The following SGCZ variants were observed in gnomAD, a reference collection of about 807,000 sequenced individuals.
The protein encoded by SGCZ is zeta-sarcoglycan.
SGCZ carries 40 observed loss-of-function variants against 41.3 expected under a neutral mutation model. That is an observed-to-expected ratio of 0.97 (90% confidence interval 0.75 to 1.26). SGCZ has a LOEUF of 1.26. SGCZ is among the 50% of genes most tolerant of loss of function. The probability of loss-of-function intolerance (pLI) is 0.00; values close to 1 mark genes in which losing one functional copy is unlikely to be tolerated. For synonymous variants in SGCZ, 206 were observed against 137.5 expected, an observed-to-expected ratio of 1.50 and a Z score of -3.49; for missense variants, 552 against 369.8, an observed-to-expected ratio of 1.49 and a Z score of -4.04.
chr8:14,795,549 C>A (rs190248175), intron 1 of SGCZ, among the ~76,000 whole-genome samples: 3 of 152,066 alleles, frequency 2.0e-5, no homozygotes, highest in Non-Finnish European at 4.4e-5. Context: ...CACAAGGAAG[C>A]GTTCCACCTC....
At chr8:15,003,028 C>T (rs943694190) in intron 1 of SGCZ, among the ~76,000 whole-genome samples, 1 of 152,122 alleles carries the variant, frequency 6.6e-6, no homozygotes, top group African/African-American at 2.4e-5. Context: ...CGTAACTTTG[C>T]TCCTCCTTCA....
At chr8:14,201,942 T>C (rs1341927239) in intron 4 of SGCZ, among the ~76,000 whole-genome samples, 1 of 152,088 alleles carries the variant, frequency 6.6e-6, no homozygotes, top group Non-Finnish European at 1.5e-5. Flanking sequence ...AATATGAAAA[T>C]ATATGTAAGA....
At chr8:14,498,948 A>G (rs1802070070) in intron 2 of SGCZ, among the ~76,000 whole-genome samples, 1 of 151,784 alleles carries the variant, frequency 6.6e-6, no homozygotes, top group Admixed American at 6.6e-5. Context: ...TGCCTATGAC[A>G]CCAGCAGTAT....
intron 1 of SGCZ, among the ~76,000 whole-genome samples, chr8:14,929,056 A>G (rs1448269185): frequency 6.6e-6 from 1 of 152,010 alleles, no homozygotes; most frequent in Non-Finnish European, 1.5e-5. Context: ...CAGTGGCATG[A>G]TCTCGGCTCA....
intron 3 of SGCZ, among the ~76,000 whole-genome samples, chr8:14,282,534 T>C (rs141327211): frequency 7.0e-4 from 107 of 152,264 alleles, no homozygotes; most frequent in African/African-American, 2.4e-3. Context: ...TTTCAACACC[T>C]AGTGTCTCAT....
rs907454148 is a variant in SGCZ at position 14,098,477 on chromosome 8, G to T, written c.744+3899C>A. On this transcript the variant is annotated intron_variant, in intron 7 of 7. Coordinates refer to ENST00000382080, the MANE Select transcript of SGCZ (RefSeq NM_139167.4). ...GGAATGAGAGATGATTCCTTTTATTGGTTGAGTGGAAGAGGAAGTGGGCTT... is the reference window on the plus strand; with the variant it reads ...GGAATGAGAGATGATTCCTTTTATTTGTTGAGTGGAAGAGGAAGTGGGCTT... Among the ~76,000 whole-genome samples the T allele has an allele frequency of 3.3e-5, 5 of 152,060 alleles. No homozygotes were observed. In the East Asian group the frequency reaches 9.7e-4, roughly 29 times the overall value.
intron 7 of SGCZ, among the ~76,000 whole-genome samples, chr8:14,097,514 T>C (rs370217086): frequency 3.1e-4 from 47 of 152,350 alleles, no homozygotes; most frequent in African/African-American, 1.1e-3. Context: ...CTTCCAATTA[T>C]GTGGTCATTG....
intron 2 of SGCZ, among the ~76,000 whole-genome samples, chr8:14,444,185 G>A (rs1275984576): frequency 1.3e-5 from 2 of 152,150 alleles, no homozygotes; most frequent in Non-Finnish European, 2.9e-5. Flanking sequence ...AGGTTGTGGA[G>A]AAATAGGAAC....
chr8:14,492,009 A>C (rs1341368127), intron 2 of SGCZ, among the ~76,000 whole-genome samples: 1 of 152,224 alleles, frequency 6.6e-6, no homozygotes, highest in Non-Finnish European at 1.5e-5. Flanking sequence ...AGTATGTCTC[A>C]TCATTAATGT....
chr8:14,445,128 T>C (rs746204253), intron 2 of SGCZ, among the ~76,000 whole-genome samples: 1 of 152,154 alleles, frequency 6.6e-6, no homozygotes, highest in East Asian at 1.9e-4. Flanking sequence ...AAGGGAGAAA[T>C]GTGAAAGGTG....
intron 2 of SGCZ, among the ~76,000 whole-genome samples, chr8:14,329,788 T>C (rs1802248966): frequency 6.6e-6 from 1 of 152,214 alleles, no homozygotes; most frequent in Non-Finnish European, 1.5e-5. Flanking sequence ...AAGTGTCTCC[T>C]CCAATCCTGT....
chr8:14,806,845 A>T (rs1256960663), intron 1 of SGCZ, among the ~76,000 whole-genome samples: 1 of 151,730 alleles, frequency 6.6e-6, no homozygotes, highest in Non-Finnish European at 1.5e-5. Flanking sequence ...AAATACTGGC[A>T]AAACGAATCC....
intron 1 of SGCZ, among the ~76,000 whole-genome samples, chr8:14,593,429 G>A (rs1461523206): frequency 2.0e-5 from 3 of 152,132 alleles, no homozygotes; most frequent in Non-Finnish European, 2.9e-5. Context: ...TCTCCAGAAC[G>A]GTAACAGAAT....
chr8:14,776,842 A>ACT (rs889610792), intron 1 of SGCZ, among the ~76,000 whole-genome samples: 27 of 151,764 alleles, frequency 1.8e-4, no homozygotes, highest in African/African-American at 6.0e-4. Context: ...AAATGGTTAA[A>ACT]CTCTTCATTG....
At chr8:14,262,960 T>C (rs1273354646) in intron 3 of SGCZ, among the ~76,000 whole-genome samples, 4 of 152,164 alleles carry the variant, frequency 2.6e-5, no homozygotes, top group Non-Finnish European at 5.9e-5. Context: ...TTACCTTGAT[T>C]TACGCGAACA....
chr8:14,239,670 A>C (rs1798788926), intron 3 of SGCZ, among the ~76,000 whole-genome samples: 1 of 151,896 alleles, frequency 6.6e-6, no homozygotes, highest in Non-Finnish European at 1.5e-5. Context: ...TGGGAGGCCG[A>C]GGCGGGCGGA....
intron 2 of SGCZ, among the ~76,000 whole-genome samples, chr8:14,367,417 G>C (rs1036545849): frequency 2.6e-5 from 4 of 151,934 alleles, no homozygotes; most frequent in Non-Finnish European, 4.4e-5. Flanking sequence ...TCCACATTTT[G>C]AGCTCTCTCT....
At chr8:14,301,959 T>A (rs1248180609) in intron 3 of SGCZ, among the ~76,000 whole-genome samples, 1 of 152,172 alleles carries the variant, frequency 6.6e-6, no homozygotes, top group Non-Finnish European at 1.5e-5. Context: ...GCCTTTCATT[T>A]ACAGTTCATT....
At chr8:14,209,089 A>G (rs908891153) in intron 4 of SGCZ, among the ~76,000 whole-genome samples, 1 of 152,178 alleles carries the variant, frequency 6.6e-6, no homozygotes, top group African/African-American at 2.4e-5. Flanking sequence ...TTTGCCAGCC[A>G]TGTATATAGT....
Sources: allele counts gnomAD v4.1 joint callset (sites outside exome capture counted in the v4.1 genomes callset), GRCh38; gene constraint gnomAD v4.1.1; transcripts MANE v1.5; gene names NCBI Gene and HGNC (gene_info 2026-07-23, HGNC 2026-07-21).